Variants in MND1 observed in about 807,000 individuals in gnomAD.
The protein encoded by MND1 is meiotic nuclear divisions 1.
A neutral mutation model predicts 35.1 loss-of-function variants in MND1; 28 were observed. The observed-to-expected ratio is 0.80, with a 90% CI of 0.59 to 1.09. The LOEUF (loss-of-function observed/expected upper bound fraction) is 1.09, where lower values mean the gene tolerates loss of function less well. Ranked by LOEUF, MND1 falls within the 50% of genes least tolerant of loss-of-function variation. MND1 has a pLI of 0.00. For missense variants in MND1, 213 were observed against 239.6 expected (o/e 0.89, Z 0.73); for synonymous variants, 69 against 70.5 (o/e 0.98, Z 0.11).
intron 4 of MND1, among the ~76,000 whole-genome samples, chr4:153,372,957 T>G (rs1024890994): frequency 1.3e-5 from 2 of 152,180 alleles, no homozygotes; most frequent in Admixed American, 6.6e-5. Flanking sequence ...CCAGGTAATA[T>G]TCTTTGTTCT....
chr4:153,350,171 C>T, intron 2 of MND1, 42 bp downstream of exon 2: 2 of 1,419,962 alleles, frequency 1.4e-6, no homozygotes, highest in Non-Finnish European at 2.0e-6. Flanking sequence ...GTGTAATTTT[C>T]ATCTTAAGTA....
chr4:153,408,477 T>TTAACTC (rs150033485), intron 6 of MND1, among the ~76,000 whole-genome samples: 11,067 of 152,138 alleles, frequency 0.073, 640 homozygotes, highest in African/African-American at 0.16. Flanking sequence ...CGATGTGTAT[T>TTAACTC]TAAAGTAAAA....
intron 4 of MND1, among the ~76,000 whole-genome samples, chr4:153,370,435 G>A (rs1773762638): frequency 6.6e-6 from 1 of 151,972 alleles, no homozygotes; most frequent in Non-Finnish European, 1.5e-5. Flanking sequence ...ACCCCTCAAA[G>A]TCATACATGG....
At chr4:153,381,868 C>A (rs930428238) in intron 4 of MND1, 1 of 150,514 alleles carries the variant, frequency 6.6e-6, no homozygotes, top group Non-Finnish European at 1.5e-5. Flanking sequence ...ATCCAGTGGT[C>A]CCCACTCCCA....
At chr4:153,388,844 C>G (rs1728941176) in intron 4 of MND1, among the ~76,000 whole-genome samples, 1 of 152,128 alleles carries the variant, frequency 6.6e-6, no homozygotes, top group Admixed American at 6.6e-5. Context: ...AATATACTGA[C>G]AGTTGAAGGG....
intron 4 of MND1, among the ~76,000 whole-genome samples, chr4:153,385,279 A>T (rs752433285): frequency 2.0e-5 from 3 of 152,216 alleles, no homozygotes; most frequent in Non-Finnish European, 4.4e-5. Flanking sequence ...CAACCTTCAT[A>T]GTTGGCCAGC....
At chr4:153,354,118 G>A (rs1310732449) in intron 2 of MND1, among the ~76,000 whole-genome samples, 1 of 151,696 alleles carries the variant, frequency 6.6e-6, no homozygotes, top group Non-Finnish European at 1.5e-5. Flanking sequence ...AGGCTTATTA[G>A]CAGTAGAAAA....
chr4:153,385,715 C>CAAAAAA (rs60037291), intron 4 of MND1, among the ~76,000 whole-genome samples: 22 of 83,418 alleles, frequency 2.6e-4, no homozygotes, highest in African/African-American at 5.6e-4. Flanking sequence ...GACCCTGTCT[C>CAAAAAA]AAAAAAAAAA....
intron 2 of MND1, among the ~76,000 whole-genome samples, chr4:153,353,404 C>CATAT (rs58280101): frequency 0.034 from 2,802 of 81,318 alleles, 79 homozygotes; most frequent in East Asian, 0.054. Context: ...GACTTTATCA[C>CATAT]ATATATATAT....
intron 4 of MND1, chr4:153,381,684 ATATATATATTTTTTTTTTT>A (rs1728699653): frequency 5.3e-5 from 1 of 18,742 alleles, no homozygotes; most frequent in South Asian, 2.2e-3. Flanking sequence ...ATATATATAT[ATATATATATTTTTTTTTTT>A]TTTTTTTTTT....
At chr4:153,393,536 G>A (rs374064020) in intron 4 of MND1, among the ~76,000 whole-genome samples, 12 of 151,644 alleles carry the variant, frequency 7.9e-5, no homozygotes, top group African/African-American at 2.7e-4. Flanking sequence ...ATGCCATCAC[G>A]CTTGGCTAAA....
At chr4:153,372,409 A>G (rs1235815460) in intron 4 of MND1, among the ~76,000 whole-genome samples, 1 of 151,212 alleles carries the variant, frequency 6.6e-6, no homozygotes, top group Admixed American at 6.5e-5. Flanking sequence ...TTATGTGTGT[A>G]TATCTTCTTA....
At position 153,414,812 on chromosome 4, in the gene MND1, T is replaced by C. The variant is rs113597275; in HGVS notation, c.573T>C (p.Ile191=). The part of the protein sequence containing the change: ...KRKFGFEENK[I]DRTFGIPEDF... ...AATTTGGGTTTGAAGAAAATAAAATTGATAGAACTTTTGGAATTCCAGAAG... is the reference window on the plus strand; with the variant it reads ...AATTTGGGTTTGAAGAAAATAAAATCGATAGAACTTTTGGAATTCCAGAAG... Residue 191 remains isoleucine, a synonymous_variant, in exon 8 of 8, where the codon ATT becomes ATC. Transcript: ENST00000240488. 2,251 of 1,563,940 alleles carry C rather than the reference T, an allele frequency of 1.4e-3. 26 individuals carry two copies. The African/African-American group carries it at 0.027, about 19-fold the overall frequency.
chr4:153,378,046 A>C (rs77629086), intron 4 of MND1, among the ~76,000 whole-genome samples: 2,599 of 152,220 alleles, frequency 0.017, 52 homozygotes, highest in East Asian at 0.076. Context: ...ATCGTTTTCT[A>C]TCTCCCACGT....
chr4:153,358,448 T>C (rs753417074), intron 3 of MND1, 26 bp from the exon 4 acceptor site: 63 of 1,557,520 alleles, frequency 4.0e-5, no homozygotes, highest in Non-Finnish European at 5.3e-5. Context: ...TTTTCTAACA[T>C]AGAGTCTTTA....
chr4:153,406,381 G>T (rs1397890318), intron 6 of MND1, among the ~76,000 whole-genome samples: 1 of 152,108 alleles, frequency 6.6e-6, no homozygotes, highest in Non-Finnish European at 1.5e-5. Flanking sequence ...AATTAGCCGG[G>T]TGTGGTGGCA....
At chr4:153,353,404 C>CATATATATATATATAT (rs58280101) in intron 2 of MND1, among the ~76,000 whole-genome samples, 7 of 81,942 alleles carry the variant, frequency 8.5e-5, no homozygotes, top group East Asian at 5.4e-4. Flanking sequence ...GACTTTATCA[C>CATATATATATATATAT]ATATATATAT....
At chr4:153,404,618 G>A (rs1375611755) in intron 6 of MND1, among the ~76,000 whole-genome samples, 1 of 151,702 alleles carries the variant, frequency 6.6e-6, no homozygotes, top group Non-Finnish European at 1.5e-5. Flanking sequence ...GGGATTACAG[G>A]TGCTCACCAC....
Position 153,404,080 on chromosome 4 carries a change from G to A in MND1, c.467-4891G>A, listed in dbSNP as rs149347673. On this transcript the variant is annotated intron_variant, in intron 6 of 7. Transcript: ENST00000240488. Reference sequence around the variant, plus strand: ...AAATGTTTCAATGGAAACTGTTCCCGAGAAAGCCCATGTGTTGGACTTACT... The same window carrying A: ...AAATGTTTCAATGGAAACTGTTCCCAAGAAAGCCCATGTGTTGGACTTACT... 3.8e-4 allele frequency among the ~76,000 whole-genome samples: 58 copies of A among 151,576 alleles called. 3 individuals carry two copies. In the East Asian group the frequency reaches 9.9e-3, roughly 26 times the overall value.
Sources: gnomAD v4.1 joint callset for allele counts (sites outside exome capture counted in the v4.1 genomes callset) on GRCh38, gnomAD v4.1.1 for gene constraint, MANE v1.5 for transcripts, NCBI Gene and HGNC (gene_info 2026-07-23, HGNC 2026-07-21) for gene names.